The following ST6GALNAC1 variants were observed in gnomAD, a reference collection of about 807,000 sequenced individuals.
ST6GALNAC1 encodes the protein alpha-N-acetylgalactosaminide alpha-2,6-sialyltransferase 1.
ST6GALNAC1 carries 45 observed loss-of-function variants against 56.8 expected under a neutral mutation model. The ratio of observed to expected loss-of-function variants is 0.79; its 90% CI spans 0.62 to 1.02. The LOEUF (loss-of-function observed/expected upper bound fraction) is 1.02. Ranked by LOEUF, ST6GALNAC1 falls within the 50% of genes least tolerant of loss-of-function variation. The pLI is 0.00. For missense variants in ST6GALNAC1, 743 were observed against 754.8 expected (o/e 0.98, Z 0.18); for synonymous variants, 295 against 297.8 (o/e 0.99, Z 0.10).
the ST6GALNAC1 span, among the ~76,000 whole-genome samples, chr17:76,617,658 T>C: frequency 3.3e-5 from 5 of 151,822 alleles, no homozygotes; most frequent in African/African-American, 1.2e-4. Flanking sequence ...GTGATCACAG[T>C]TGCTCGGGAG....
At position 76,626,350 on chromosome 17, in the gene ST6GALNAC1, C is replaced by T. The variant is rs1567951954; in HGVS notation, c.1354G>A (p.Glu452Lys). ...LHFLEGTRDYEWLEALLMNQT... is the reference protein window; with the variant it reads ...LHFLEGTRDYKWLEALLMNQT... ...TTCATAAGCAGTGCTTCCAGCCACT[C>T]ATAGTCCCGGGTGCCTTCCAGGAAG... Residue 452 changes from glutamate (E) to lysine (K), a missense_variant, in exon 6 of 9, where the codon GAG (glutamate) becomes AAG (lysine). Glu to Lys is a moderately conservative substitution (Grantham distance 56). Coordinates refer to ENST00000156626, the MANE Select transcript of ST6GALNAC1 (RefSeq NM_018414.5). The T allele has an allele frequency of 1.9e-6, 3 of 1,614,196 alleles. No individual in the cohort carries two copies. Among genetic ancestry groups the T allele is most frequent in the Non-Finnish European group, 2.5e-6 (3 of 1,180,038 alleles).
rs772868703 is a variant in ST6GALNAC1 at position 76,626,346 on chromosome 17, C to T, written c.1358G>A (p.Trp453Ter). The T allele has an allele frequency of 6.8e-6, 11 of 1,614,080 alleles. No homozygotes were observed. Among genetic ancestry groups the T allele is most frequent in the Non-Finnish European group, 6.8e-6 (8 of 1,180,052 alleles). The change falls in exon 6 of 9, where the codon TGG (tryptophan) becomes TAG (stop). Residue 453 changes from tryptophan to a stop codon, truncating the protein, a stop_gained. Coordinates refer to ENST00000156626, the MANE Select transcript of ST6GALNAC1 (RefSeq NM_018414.5). LOFTEE classifies it high-confidence loss of function. ...CTGATTCATAAGCAGTGCTTCCAGC[C>T]ACTCATAGTCCCGGGTGCCTTCCAG... ...HFLEGTRDYE[W>*]LEALLMNQTV... is the part of the protein sequence containing the mutation.
intron 1 of ST6GALNAC1, among the ~76,000 whole-genome samples, chr17:76,642,833 G>A (rs977948717): frequency 4.6e-5 from 7 of 150,726 alleles, no homozygotes; most frequent in Non-Finnish European, 1.5e-5. Flanking sequence ...TCAGGAAGCT[G>A]AGGCTTGAAC....
At chr17:76,625,736 T>C in intron 8 of ST6GALNAC1, 83 bp downstream of exon 8, 2 of 1,286,764 alleles carry the variant, frequency 1.6e-6, no homozygotes, top group Non-Finnish European at 2.1e-6. Flanking sequence ...ACCCAGCCCA[T>C]GCACTGTCCT....
chr17:76,628,268 C>CTCCTTCCTTCCTTCCTTCCTTCCTTCCT (rs1192343192), intron 2 of ST6GALNAC1, among the ~76,000 whole-genome samples: 1 of 37,494 alleles, frequency 2.7e-5, no homozygotes, highest in African/African-American at 9.5e-5. Flanking sequence ...CCCTCCCTCC[C>CTCCTTCCTTCCTTCCTTCCTTCCTTCCT]TCCTTCCTTC....
intron 1 of ST6GALNAC1, among the ~76,000 whole-genome samples, chr17:76,637,272 T>TAAAA (rs771644279): frequency 2.3e-3 from 41 of 18,176 alleles, no homozygotes; most frequent in South Asian, 8.8e-3. Flanking sequence ...CAATAAATAC[T>TAAAA]AAAAAAAAAA....
Position 76,636,566 on chromosome 17 carries a change from C to T in ST6GALNAC1, c.132-6855G>A, listed in dbSNP as rs149873591. On this transcript the variant is annotated intron_variant, in intron 1 of 8. Transcript: ENST00000156626. ...CTCACACGGAGCTGAGATCACGCCA[C>T]TGCACTCCAGCCTGGATGGCAAAAC... 5.7e-3 allele frequency among the ~76,000 whole-genome samples: 861 copies of T among 152,320 alleles called. 3 individuals are homozygous for T. The highest frequency in any genetic ancestry group is 9.6e-3 in the Non-Finnish European group (650 of 68,026).
intron 1 of ST6GALNAC1, among the ~76,000 whole-genome samples, chr17:76,637,272 T>TAAAAAAAAAAAA (rs771644279): frequency 8.8e-4 from 16 of 18,172 alleles, no homozygotes; most frequent in East Asian, 1.9e-3. Context: ...CAATAAATAC[T>TAAAAAAAAAAAA]AAAAAAAAAA....
At chr17:76,626,832 A>T in intron 4 of ST6GALNAC1, 43 bp from the exon 5 acceptor site, 2 of 1,609,908 alleles carry the variant, frequency 1.2e-6, no homozygotes, top group South Asian at 2.2e-5. Context: ...TGAGCAGAGG[A>T]GGGAGATTTG....
Position 76,625,334 on chromosome 17 carries a change from T to C in ST6GALNAC1, c.1799A>G (p.Asn600Ser). The change falls in exon 9 of 9, where the codon AAC (asparagine) becomes AGC (serine). Residue 600 changes from asparagine to serine, a missense_variant. Physicochemically the swap from Asn to Ser is conservative, Grantham distance 46 (BLOSUM62 1). Coordinates refer to ENST00000156626, the MANE Select transcript of ST6GALNAC1 (RefSeq NM_018414.5). Reference sequence around the variant, plus strand: ...CCATGGCAGCCCTGGCCCCGGTCAGTTCTTGGCTTTGGCAGTTCCGGGACC... The same window carrying C: ...CCATGGCAGCCCTGGCCCCGGTCAGCTCTTGGCTTTGGCAGTTCCGGGACC... ...RPGPGTAKAK[N>S] The C allele has an allele frequency of 6.2e-7, 1 of 1,613,004 alleles. No individual in the cohort carries two copies. The highest frequency in any genetic ancestry group is 8.5e-7 in the Non-Finnish European group (1 of 1,179,900).
chr17:76,636,309 C>A (rs2075972554), intron 1 of ST6GALNAC1, among the ~76,000 whole-genome samples: 1 of 152,140 alleles, frequency 6.6e-6, no homozygotes, highest in South Asian at 2.1e-4. Context: ...ACAGATCAAT[C>A]TTGGAGAAGT....
intron 1 of ST6GALNAC1, among the ~76,000 whole-genome samples, chr17:76,638,688 C>T (rs2076008179): frequency 6.6e-6 from 1 of 152,182 alleles, no homozygotes; most frequent in East Asian, 1.9e-4. Context: ...TCAGGCAATT[C>T]TCCCTGCCTC....
chr17:76,635,839 T>C (rs1482253456), intron 1 of ST6GALNAC1, among the ~76,000 whole-genome samples: 1 of 152,268 alleles, frequency 6.6e-6, no homozygotes, highest in Non-Finnish European at 1.5e-5. Flanking sequence ...TCACAGTCTA[T>C]AAGAGAAACA....
downstream of ST6GALNAC1, among the ~76,000 whole-genome samples, chr17:76,624,359 C>T (rs1450259297): frequency 1.3e-5 from 2 of 152,124 alleles, no homozygotes; most frequent in East Asian, 1.9e-4. Context: ...AAGTGATTCT[C>T]CTGTCTCAGC....
chr17:76,625,435 G>GTAA lies in ST6GALNAC1; in HGVS notation c.1697_1698insTTA (p.Asn566_His567insTyr). 1 of 1,614,160 alleles carries GTAA rather than the reference G, an allele frequency of 6.2e-7. No individual in the cohort carries two copies. The highest frequency in any genetic ancestry group is 8.5e-7 in the Non-Finnish European group (1 of 1,180,032). ...CTTCTCTCTCCAGCTTGAAGTCATG[G>GTAA]TTTATGTAAAAGATCAGCCGCTTCC... On this transcript the variant is annotated inframe_insertion, in exon 9 of 9. Coordinates refer to ENST00000156626, the MANE Select transcript of ST6GALNAC1 (RefSeq NM_018414.5).
rs779383446 is a variant in ST6GALNAC1, at chr17:76,643,624, C to T, written c.15G>A (p.Leu5=). 1 of 1,614,062 alleles carries T rather than the reference C, an allele frequency of 6.2e-7. No homozygotes were observed. Among genetic ancestry groups the T allele is most frequent in the Non-Finnish European group, 8.5e-7 (1 of 1,179,956 alleles). MRSC[L]WRCRHLSQGV... ...CTTGGCTCAGGTGCCTGCATCTCCA[C>T]AGGCAGGACCTCATGGTGGTGGGTC... The change falls in exon 1 of 9, where the codon CTG becomes CTA. Residue 5 remains leucine (L), a synonymous_variant. Transcript: ENST00000156626.
chr17:76,639,951 C>CCCTG (rs887811551), intron 1 of ST6GALNAC1, among the ~76,000 whole-genome samples: 2 of 151,874 alleles, frequency 1.3e-5, no homozygotes, highest in African/African-American at 4.8e-5. Context: ...GCTAGGGGGT[C>CCCTG]CCTGCCTGCC....
At chr17:76,635,449 G>A (rs1429741385) in intron 1 of ST6GALNAC1, among the ~76,000 whole-genome samples, 1 of 152,192 alleles carries the variant, frequency 6.6e-6, no homozygotes, top group African/African-American at 2.4e-5. Flanking sequence ...AGACCAGCCT[G>A]GCCAACATGG....
At chr17:76,642,988 G>C (rs564675588) in intron 1 of ST6GALNAC1, among the ~76,000 whole-genome samples, 1 of 151,808 alleles carries the variant, frequency 6.6e-6, no homozygotes, top group Non-Finnish European at 1.5e-5. Flanking sequence ...TAAGAAAAAT[G>C]GTCTAGAAGG....
Sources: gnomAD v4.1 joint callset for allele counts (sites outside exome capture counted in the v4.1 genomes callset) on GRCh38, gnomAD v4.1.1 for gene constraint, MANE v1.5 for transcripts, NCBI Gene and HGNC (gene_info 2026-07-23, HGNC 2026-07-21) for gene names.